Variants in FAM120B observed in about 807,000 individuals in gnomAD.
FAM120B encodes constitutive coactivator of peroxisome proliferator-activated receptor gamma.
A neutral mutation model predicts 96.3 loss-of-function variants in FAM120B; 83 were observed. The observed-to-expected ratio is 0.86, with a 90% CI of 0.72 to 1.03. The LOEUF is 1.03. Among genes scored for constraint, FAM120B ranks in the 50% least tolerant of loss-of-function variants. The probability of loss-of-function intolerance (pLI) is 0.00; values close to 1 mark genes in which losing one functional copy is unlikely to be tolerated. For missense variants in FAM120B, 1,027 were observed against 1,121.2 expected, an observed-to-expected ratio of 0.92 and a Z score of 1.20; for synonymous variants, 407 against 402.7, an observed-to-expected ratio of 1.01 and a Z score of -0.13.
rs1294549942 is a variant in FAM120B, at chr6:170,355,077, TGGC to T, written c.2191-3147_2191-3145del. ...CTATTATTAAAAAGTCAACAAATGG[TGGC>T]GAGGTTGCAGAGAAACAGGAACACT... On this transcript the variant is annotated intron_variant, in intron 5 of 10. Transcript: ENST00000476287. 5.3e-5 allele frequency among the ~76,000 whole-genome samples: 8 copies of T among 152,262 alleles called. No individual in the cohort carries two copies. The East Asian group carries it at 1.5e-3, about 29-fold the overall frequency.
chr6:170,398,283 G>C (rs1778312576), intron 9 of FAM120B, among the ~76,000 whole-genome samples: 1 of 152,264 alleles, frequency 6.6e-6, no homozygotes, highest in Admixed American at 6.5e-5. Context: ...TGGTGGGTGA[G>C]ACATTAGTAA....
At chr6:170,360,288 A>G (rs113669909) in intron 6 of FAM120B, among the ~76,000 whole-genome samples, 1 of 152,308 alleles carries the variant, frequency 6.6e-6, no homozygotes, top group East Asian at 1.9e-4. Flanking sequence ...TCTCATTTGT[A>G]AAATGAAGAA....
rs117535283 is a variant in FAM120B, at chr6:170,326,859, C to G, written c.1916-3590C>G. On this transcript the variant is annotated intron_variant, in intron 3 of 10. Transcript: ENST00000476287. Reference sequence around the variant, plus strand: ...GCTGAAGGGATCCTCCTACCTCAGCCTCTTGAGTAACTGAGATGACAGGCA... The same window carrying G: ...GCTGAAGGGATCCTCCTACCTCAGCGTCTTGAGTAACTGAGATGACAGGCA... Among the ~76,000 whole-genome samples the G allele has an allele frequency of 9.9e-5, 15 of 152,196 alleles. No homozygotes were observed. The East Asian group carries it at 2.9e-3, about 29-fold the overall frequency.
chr6:170,387,570 C>T (rs1790258402), intron 6 of FAM120B, among the ~76,000 whole-genome samples: 1 of 152,164 alleles, frequency 6.6e-6, no homozygotes, highest in African/African-American at 2.4e-5. Flanking sequence ...TCTGCAGCAT[C>T]TTAGGATAGC....
rs1027101803 is a variant in FAM120B at position 170,404,951 on chromosome 6, G to A, written c.*200G>A. On this transcript the variant is annotated 3_prime_UTR_variant, in exon 11 of 11. Transcript: ENST00000476287. Reference sequence around the variant, plus strand: ...AAGAGCTTTTGTTGGCTTCTCTCCCGAGCTTGTGCCTGATTCTGTGGCCCA... The same window carrying A: ...AAGAGCTTTTGTTGGCTTCTCTCCCAAGCTTGTGCCTGATTCTGTGGCCCA... 2.0e-5 allele frequency: 5 copies of A among 245,902 alleles called. No homozygotes were observed. The highest frequency in any genetic ancestry group is 1.1e-4 in the Admixed American group (2 of 18,770). 15.2% of individuals were successfully genotyped at this position (245,902 alleles called of 1,614,324 possible). A position where few individuals can be genotyped will look rare whatever the true frequency, so the allele number is the denominator to read the frequency against.
chr6:170,298,812 C>CA (rs558426131), intron 1 of FAM120B, among the ~76,000 whole-genome samples: 84 of 152,300 alleles, frequency 5.5e-4, no homozygotes, highest in African/African-American at 1.9e-3. Flanking sequence ...AAAGTACCAC[C>CA]ACCTGCCAGC....
intron 1 of FAM120B, among the ~76,000 whole-genome samples, chr6:170,308,608 T>G (rs1238158922): frequency 6.6e-6 from 1 of 152,218 alleles, no homozygotes; most frequent in Non-Finnish European, 1.5e-5. Context: ...GGCCCTTACC[T>G]AGGCTCTGGG....
rs866465469 is a variant in FAM120B, at chr6:170,358,084, G to A, written c.2191-142G>A. ...TCTGTGTGCTTGTGTGCACATGTGG[G>A]TGCCTGTGCGTGTGCCTGTACGTGC... On this transcript the variant is annotated intron_variant, in intron 5 of 10. Transcript: ENST00000476287. The A allele has an allele frequency of 1.9e-4, 124 of 659,040 alleles. No homozygotes were observed. In the Middle Eastern group the frequency reaches 2.4e-3, roughly 13 times the overall value. The allele number at this position is 659,040 out of a possible 1,614,324, so 40.8% of individuals were successfully genotyped here.
At chr6:170,391,270 C>T (rs994094239) in intron 8 of FAM120B, 149 bp downstream of exon 8, 1 of 635,174 alleles carries the variant, frequency 1.6e-6, no homozygotes, top group Admixed American at 2.4e-5. Flanking sequence ...TGCGGTGGCT[C>T]ACGCCTGTAA....
chr6:170,291,125 C>T, upstream of FAM120B: 1 of 519,112 alleles, frequency 1.9e-6, no homozygotes, highest in Non-Finnish European at 3.7e-6. Flanking sequence ...CCCTTCCCCG[C>T]CCCCCCAGTC....
chr6:170,324,556 C>T (rs943452403), intron 3 of FAM120B, among the ~76,000 whole-genome samples: 2 of 152,184 alleles, frequency 1.3e-5, no homozygotes, highest in African/African-American at 2.4e-5. Context: ...AACATTTTTA[C>T]ATTAAATAAT....
At chr6:170,332,015 C>A (rs762348819) in intron 4 of FAM120B, among the ~76,000 whole-genome samples, 1 of 152,130 alleles carries the variant, frequency 6.6e-6, no homozygotes, top group Non-Finnish European at 1.5e-5. Flanking sequence ...ACATTCATTT[C>A]CACAGCTATT....
chr6:170,319,150 G>A (rs761633262), intron 2 of FAM120B, 26 bp downstream of exon 2: 24 of 1,516,282 alleles, frequency 1.6e-5, no homozygotes, highest in African/African-American at 8.4e-5. Flanking sequence ...CAGCCAATAT[G>A]CCATGATTGA....
At chr6:170,398,199 G>C (rs1382617822) in intron 9 of FAM120B, among the ~76,000 whole-genome samples, 5 of 152,256 alleles carry the variant, frequency 3.3e-5, no homozygotes, top group Admixed American at 1.3e-4. Flanking sequence ...CTTTCCATCA[G>C]GCATCTGGCC....
intron 3 of FAM120B, among the ~76,000 whole-genome samples, chr6:170,329,588 T>A (rs575421368): frequency 5.3e-5 from 8 of 151,986 alleles, no homozygotes; most frequent in Non-Finnish European, 1.2e-4. Flanking sequence ...GTTCCTTTTT[T>A]ACCGACTTTT....
intron 6 of FAM120B, among the ~76,000 whole-genome samples, chr6:170,378,789 C>T (rs552354390): frequency 3.9e-5 from 6 of 152,254 alleles, no homozygotes; most frequent in Admixed American, 6.5e-5. Flanking sequence ...ACCTGAGCCC[C>T]GAGCTTCCGG....
intron 1 of FAM120B, among the ~76,000 whole-genome samples, chr6:170,297,175 G>C (rs1277779657): frequency 2.6e-5 from 4 of 152,222 alleles, no homozygotes; most frequent in Non-Finnish European, 5.9e-5. Flanking sequence ...AGGGTTGGTT[G>C]GCCGTGGGCG....
Position 170,318,440 on chromosome 6 carries a change from G to A in FAM120B, c.1050G>A (p.Arg350=). The part of the protein sequence containing the change: ...EVPMCSDAES[R]QEVPMCTGPE... The stretch of plus-strand genomic sequence containing the variant: ...CCATGTGTTCAGATGCTGAATCCAG[G>A]CAAGAAGTTCCCATGTGTACAGGCC... Residue 350 remains arginine, a synonymous_variant, in exon 2 of 11, where the codon AGG becomes AGA. Coordinates refer to ENST00000476287, the MANE Select transcript of FAM120B (RefSeq NM_032448.3). 2 of 1,613,914 alleles carry A rather than the reference G, an allele frequency of 1.2e-6. No homozygotes were observed. The highest frequency in any genetic ancestry group is 1.7e-6 in the Non-Finnish European group (2 of 1,179,878).
intron 6 of FAM120B, among the ~76,000 whole-genome samples, chr6:170,386,607 T>A (rs1171469155): frequency 2.0e-5 from 3 of 152,204 alleles, no homozygotes; most frequent in Non-Finnish European, 4.4e-5. Flanking sequence ...GAATCTGAAA[T>A]GAAAACTCTG....
Sources: allele counts gnomAD v4.1 joint callset (sites outside exome capture counted in the v4.1 genomes callset), GRCh38; gene constraint gnomAD v4.1.1; transcripts MANE v1.5; gene names NCBI Gene and HGNC (gene_info 2026-07-23, HGNC 2026-07-21).